CACNB4: variants seen among roughly 807,000 people sequenced by gnomAD.
CACNB4 encodes calcium voltage-gated channel auxiliary subunit beta 4, also known as voltage-dependent L-type calcium channel subunit beta-4.
In CACNB4, 32 loss-of-function variants were observed where a neutral mutation model predicts 71.2. That is an observed-to-expected ratio of 0.45 (90% CI 0.34 to 0.60). The LOEUF (loss-of-function observed/expected upper bound fraction) is 0.60. Ranked by LOEUF, CACNB4 falls within the 20% of genes least tolerant of loss-of-function variation. CACNB4 has a pLI of 0.01. For synonymous variants in CACNB4, 231 were observed against 236.9 expected (o/e 0.97, Z 0.23); for missense variants, 464 against 647.9 (o/e 0.72, Z 3.08).
At chr2:152,011,384 A>C (rs1462146775) in intron 2 of CACNB4, among the ~76,000 whole-genome samples, 4 of 152,158 alleles carry the variant, frequency 2.6e-5, no homozygotes, top group Non-Finnish European at 5.9e-5. Context: ...CTCGAACCCA[A>C]GCTGGGGTCT....
At chr2:151,862,502 C>T (rs759373127) in intron 9 of CACNB4, among the ~76,000 whole-genome samples, 6 of 151,982 alleles carry the variant, frequency 3.9e-5, no homozygotes, top group South Asian at 2.1e-4. Flanking sequence ...AATTGTCTCC[C>T]GCAGAAACCA....
intron 2 of CACNB4, among the ~76,000 whole-genome samples, chr2:151,902,224 T>A (rs1313228535): frequency 6.6e-6 from 1 of 151,948 alleles, no homozygotes; most frequent in Non-Finnish European, 1.5e-5. Flanking sequence ...AGAGACAGGG[T>A]CTCCCTATGT....
At chr2:151,856,731 G>A (rs896732580) in intron 10 of CACNB4, 5 of 152,022 alleles carry the variant, frequency 3.3e-5, no homozygotes, top group African/African-American at 1.2e-4. Flanking sequence ...TTAATTTTTA[G>A]AGACAGGGTC....
chr2:152,016,377 G>T (rs534092111), intron 2 of CACNB4, among the ~76,000 whole-genome samples: 1 of 152,178 alleles, frequency 6.6e-6, no homozygotes, highest in African/African-American at 2.4e-5. Flanking sequence ...TTGAATTCAG[G>T]TTGCCATAGA....
At chr2:151,865,760 G>GTTTTTC (rs1268279196) in intron 9 of CACNB4, 1 of 129,898 alleles carries the variant, frequency 7.7e-6, no homozygotes, top group Non-Finnish European at 1.6e-5. Context: ...TTAGTATTGT[G>GTTTTTC]TTTTTCTTTT....
At chr2:152,014,599 C>T (rs1009304996) in intron 2 of CACNB4, among the ~76,000 whole-genome samples, 34 of 151,898 alleles carry the variant, frequency 2.2e-4, no homozygotes, top group African/African-American at 6.8e-4. Flanking sequence ...GGTGTGGTGG[C>T]AGGCACCTAT....
At chr2:151,960,121 T>C (rs1478410741) in intron 2 of CACNB4, among the ~76,000 whole-genome samples, 1 of 152,222 alleles carries the variant, frequency 6.6e-6, no homozygotes, top group Admixed American at 6.5e-5. Flanking sequence ...GCAGTCTTCA[T>C]GTAACATGTA....
chr2:152,030,073 T>A (rs76966619), intron 2 of CACNB4, among the ~76,000 whole-genome samples: 5,624 of 152,298 alleles, frequency 0.037, 128 homozygotes, highest in Non-Finnish European at 0.05. Flanking sequence ...AAGCCTCATT[T>A]TCTTTTTGAG....
chr2:151,882,437 A>G (rs13393819), intron 3 of CACNB4, among the ~76,000 whole-genome samples: 32,253 of 151,944 alleles, frequency 0.21, 3,637 homozygotes, highest in Middle Eastern at 0.38. Context: ...TTCTTCTAAA[A>G]ATCAGAAGAC....
At chr2:152,093,222 C>CT (rs1212013162) in intron 2 of CACNB4, among the ~76,000 whole-genome samples, 2 of 152,122 alleles carry the variant, frequency 1.3e-5, no homozygotes, top group Non-Finnish European at 2.9e-5. Context: ...GCCTTCTCTT[C>CT]TTTTTTTAAA....
chr2:152,056,072 G>A (rs945006496), intron 2 of CACNB4, among the ~76,000 whole-genome samples: 12 of 152,048 alleles, frequency 7.9e-5, no homozygotes, highest in Non-Finnish European at 1.3e-4. Context: ...TTAGAAATTA[G>A]ATATTTTCGG....
chr2:152,048,077 A>G (rs900383713), intron 2 of CACNB4, among the ~76,000 whole-genome samples: 8 of 152,268 alleles, frequency 5.3e-5, no homozygotes, highest in African/African-American at 1.9e-4. Context: ...GAGAGGACTC[A>G]AGTTCAGTTG....
At chr2:151,983,902 C>G (rs954336818) in intron 2 of CACNB4, among the ~76,000 whole-genome samples, 3 of 152,140 alleles carry the variant, frequency 2.0e-5, no homozygotes, top group Non-Finnish European at 4.4e-5. Context: ...ATAAATACTA[C>G]CTGACCCTCT....
chr2:151,841,665 T>C, intron 13 of CACNB4: 2 of 456,076 alleles, frequency 4.4e-6, no homozygotes, highest in Non-Finnish European at 7.7e-6. Context: ...GGAGTTAATT[T>C]ACCTAAGTAA....
At chr2:152,016,068 C>T (rs1683326998) in intron 2 of CACNB4, among the ~76,000 whole-genome samples, 2 of 152,170 alleles carry the variant, frequency 1.3e-5, no homozygotes, top group Non-Finnish European at 2.9e-5. Context: ...TCTCCTATTA[C>T]CAATTGCTAT....
chr2:151,936,177 T>G (rs1485556299), intron 2 of CACNB4: 1 of 152,256 alleles, frequency 6.6e-6, no homozygotes, highest in Non-Finnish European at 1.5e-5. Flanking sequence ...AAACAGCTTT[T>G]GCATAACGCA....
chr2:152,042,349 T>C (rs1684916814), intron 2 of CACNB4, among the ~76,000 whole-genome samples: 1 of 152,176 alleles, frequency 6.6e-6, no homozygotes, highest in Non-Finnish European at 1.5e-5. Context: ...CTGGTTCTTA[T>C]ATGTCGTAGC....
intron 2 of CACNB4, among the ~76,000 whole-genome samples, chr2:151,929,418 T>TA (rs1013381930): frequency 2.0e-5 from 3 of 152,296 alleles, no homozygotes; most frequent in African/African-American, 7.2e-5. Context: ...ACCTCATTTT[T>TA]AAAAAACTCT....
intron 2 of CACNB4, among the ~76,000 whole-genome samples, chr2:152,071,398 G>A (rs900770043): frequency 1.3e-5 from 2 of 152,164 alleles, no homozygotes; most frequent in African/African-American, 4.8e-5. Context: ...CTGGCAAACA[G>A]CCATTTGCAA....
Sources: allele counts gnomAD v4.1 joint callset (sites outside exome capture counted in the v4.1 genomes callset), GRCh38; gene constraint gnomAD v4.1.1; transcripts MANE v1.5; gene names NCBI Gene and HGNC (gene_info 2026-07-23, HGNC 2026-07-21).